Variants in PRRC2B observed in about 807,000 individuals in gnomAD.
PRRC2B encodes proline rich coiled-coil 2B.
PRRC2B carries 68 observed loss-of-function variants against 242.3 expected under a neutral mutation model. That is an observed-to-expected ratio of 0.28 (90% CI 0.23 to 0.34). The LOEUF (loss-of-function observed/expected upper bound fraction) is 0.34. PRRC2B is among the 10% of genes least tolerant of loss of function. The pLI is 1.00. For missense variants in PRRC2B, 2,835 were observed against 2,954.8 expected, an observed-to-expected ratio of 0.96 and a Z score of 0.94; for synonymous variants, 1,228 against 1,173.6, an observed-to-expected ratio of 1.05 and a Z score of -0.95.
chr9:131,497,281 C>T lies in PRRC2B; in HGVS notation c.*1407C>T, dbSNP rs567485402. 2.6e-5 allele frequency: 4 copies of T among 152,380 alleles called. No homozygotes were observed. The East Asian group carries it at 7.7e-4, about 29-fold the overall frequency. 9.4% of individuals were successfully genotyped at this position (152,380 alleles called of 1,614,324 possible). A position where few individuals can be genotyped will look rare whatever the true frequency, so the allele number is the denominator to read the frequency against. On this transcript the variant is annotated 3_prime_UTR_variant, in exon 32 of 32. Coordinates refer to ENST00000683519, the MANE Select transcript of PRRC2B (RefSeq NM_013318.4). ...CGCAGCCTCCGGGAGGGCAGCTTCT[C>T]CAGCCAGAGGCTTGTGTGAGCCATC...
At chr9:131,405,298 A>AT (rs1564274951) in intron 1 of PRRC2B, among the ~76,000 whole-genome samples, 1 of 152,022 alleles carries the variant, frequency 6.6e-6, no homozygotes, top group African/African-American at 2.4e-5. Flanking sequence ...TCTAAGGTTG[A>AT]TTTTCTGTAT....
upstream of PRRC2B, among the ~76,000 whole-genome samples, chr9:131,393,925 C>T (rs1440679621): frequency 6.6e-6 from 1 of 151,176 alleles, no homozygotes; most frequent in Non-Finnish European, 1.5e-5. Flanking sequence ...CCCCAGCCCT[C>T]GCCCGGCCCC....
At chr9:131,421,919 GCAGATTC>G (rs1382250782) in intron 1 of PRRC2B, among the ~76,000 whole-genome samples, 4 of 152,348 alleles carry the variant, frequency 2.6e-5, no homozygotes, top group Non-Finnish European at 5.9e-5. Context: ...CACTGGGAAA[GCAGATTC>G]CAGGTCGTGG....
In PRRC2B at chr9:131,500,107, A is replaced by G. The variant is rs1282741175; in HGVS notation, c.*4233A>G. 6 of 152,088 alleles carry G rather than the reference A, an allele frequency of 3.9e-5. No homozygotes were observed. Among genetic ancestry groups the G allele is most frequent in the African/African-American group, 1.4e-4 (6 of 41,384 alleles). The allele number at this position is 152,088 out of a possible 1,614,324, so 9.4% of individuals were successfully genotyped here. A position where few individuals can be genotyped will look rare whatever the true frequency, so the allele number is the denominator to read the frequency against. On this transcript the variant is annotated 3_prime_UTR_variant, in exon 32 of 32. Transcript: ENST00000683519. ...GCCCTTTCCCTCCGGTTCAGTACCT[A>G]TTGTTTCTCCTTTCAAATATGTGAT...
upstream of PRRC2B, among the ~76,000 whole-genome samples, chr9:131,393,303 A>AT (rs933378474): frequency 1.3e-3 from 201 of 149,406 alleles, no homozygotes; most frequent in Middle Eastern, 6.9e-3. Flanking sequence ...AGGCCCTAAC[A>AT]TTTTTTTTTT....
intron 1 of PRRC2B, among the ~76,000 whole-genome samples, chr9:131,374,150 A>G (rs1195288159): frequency 6.6e-6 from 1 of 152,150 alleles, no homozygotes; most frequent in East Asian, 1.9e-4. Flanking sequence ...TTCATTACAC[A>G]TTGTATGCAT....
chr9:131,420,493 C>CTTTCTTTCT, intron 1 of PRRC2B, among the ~76,000 whole-genome samples: 4,203 of 30,352 alleles, frequency 0.14, 543 homozygotes, highest in Non-Finnish European at 0.19. Flanking sequence ...TTCTTTCTTT[C>CTTTCTTTCT]TTTTTTTTTT....
chr9:131,492,290 G>A (rs748696473), intron 30 of PRRC2B, 30 bp downstream of exon 30: 24 of 1,566,818 alleles, frequency 1.5e-5, no homozygotes, highest in Non-Finnish European at 5.3e-6. Context: ...ACTGCGTGCT[G>A]TGTAGCTGAG....
At chr9:131,469,701 C>T (rs1444902658) in intron 13 of PRRC2B, among the ~76,000 whole-genome samples, 1 of 152,164 alleles carries the variant, frequency 6.6e-6, no homozygotes, top group Non-Finnish European at 1.5e-5. Context: ...TGCCTCAAGG[C>T]CAATTCAGGG....
chr9:131,376,227 G>A (rs1459321575), intron 1 of PRRC2B, among the ~76,000 whole-genome samples: 11 of 151,702 alleles, frequency 7.3e-5, no homozygotes, highest in African/African-American at 1.5e-4. Flanking sequence ...GGTGGCGCGC[G>A]TCTGTAATCC....
chr9:131,489,266 CCT>C (rs957931310), intron 28 of PRRC2B, among the ~76,000 whole-genome samples: 2 of 150,498 alleles, frequency 1.3e-5, no homozygotes, highest in East Asian at 3.9e-4. Flanking sequence ...CTCACTGCAA[CCT>C]CTCTGTCTCC....
intron 1 of PRRC2B, among the ~76,000 whole-genome samples, chr9:131,403,376 G>C (rs552832830): frequency 2.7e-4 from 41 of 151,780 alleles, no homozygotes; most frequent in African/African-American, 8.7e-4. Context: ...TTTTGAGGTG[G>C]AGTCTTGCTC....
intron 2 of PRRC2B, among the ~76,000 whole-genome samples, chr9:131,431,456 G>A (rs1838168245): frequency 6.6e-6 from 1 of 151,492 alleles, no homozygotes; most frequent in Admixed American, 6.6e-5. Context: ...ATAGAGATGG[G>A]GTTTCTCCAT....
intron 23 of PRRC2B, among the ~76,000 whole-genome samples, chr9:131,484,180 CA>C (rs2131466705): frequency 6.6e-6 from 1 of 152,324 alleles, no homozygotes; most frequent in South Asian, 2.1e-4. Flanking sequence ...GTTGCATTTC[CA>C]GCCTCTGTTA....
chr9:131,464,568 A>C (rs1014713632), intron 11 of PRRC2B, among the ~76,000 whole-genome samples, 195 bp from the exon 12 acceptor site: 2 of 152,178 alleles, frequency 1.3e-5, no homozygotes, highest in African/African-American at 2.4e-5. Context: ...GAGAGTTGGC[A>C]CTTGGCCTAA....
At chr9:131,462,484 A>T (rs1013100598) in intron 11 of PRRC2B, among the ~76,000 whole-genome samples, 1 of 151,008 alleles carries the variant, frequency 6.6e-6, no homozygotes, top group African/African-American at 2.4e-5. Context: ...AAGTGCTAGG[A>T]TTACAAGCAT....
At chr9:131,376,554 G>A (rs1836687549) in intron 1 of PRRC2B, among the ~76,000 whole-genome samples, 1 of 152,022 alleles carries the variant, frequency 6.6e-6, no homozygotes, top group South Asian at 2.1e-4. Flanking sequence ...CCATAAGACA[G>A]GTATGGATGA....
chr9:131,475,904 T>A lies in PRRC2B; in HGVS notation c.3775T>A (p.Ser1259Thr). The A allele has an allele frequency of 6.2e-7, 1 of 1,613,818 alleles. No individual in the cohort carries two copies. The highest frequency in any genetic ancestry group is 8.5e-7 in the Non-Finnish European group (1 of 1,179,832). ...RPTDRDYVPD[S>T]YRHPDAFGGR... is the part of the protein sequence containing the mutation. ...TACAGACAGAGACTATGTCCCAGAT[T>A]CCTACAGACACCCTGACGCATTTGG... Residue 1259 changes from serine to threonine, a missense_variant, in exon 16 of 32, where the codon TCC (serine) becomes ACC (threonine). Ser to Thr is a moderately conservative substitution (Grantham distance 58). Around this residue, in one of 7 missense-constraint regions of PRRC2B, gnomAD observed 1,536 missense variants for 1,483.1 expected, o/e 1.04. Transcript: ENST00000683519.
At chr9:131,379,120 C>T (rs1836723112) in intron 1 of PRRC2B, among the ~76,000 whole-genome samples, 1 of 152,170 alleles carries the variant, frequency 6.6e-6, no homozygotes, top group Non-Finnish European at 1.5e-5. Flanking sequence ...TTTCCCTTAG[C>T]ATAACGCCTT....
Sources: gnomAD v4.1 joint callset for allele counts (sites outside exome capture counted in the v4.1 genomes callset) on GRCh38, gnomAD v4.1.1 for gene constraint, gnomAD v4.1.1 regional missense constraint, MANE v1.5 for transcripts, NCBI Gene and HGNC (gene_info 2026-07-23, HGNC 2026-07-21) for gene names.